Variants in PRDM16 observed in about 807,000 individuals in gnomAD.
PRDM16 encodes histone-lysine N-methyltransferase PRDM16.
PRDM16 carries 23 observed loss-of-function variants against 110.6 expected under a neutral mutation model. That is an observed-to-expected ratio of 0.21 (90% CI 0.15 to 0.29). The LOEUF (loss-of-function observed/expected upper bound fraction) is 0.29, where lower values mean the gene tolerates loss of function less well. Ranked by LOEUF, PRDM16 falls within the 10% of genes least tolerant of loss-of-function variation. PRDM16 has a pLI of 1.00. For synonymous variants in PRDM16, 799 were observed against 781.8 expected (o/e 1.02, Z -0.37); for missense variants, 1,615 against 1,794.3 (o/e 0.90, Z 1.81).
chr1:3,435,308 G>A lies in PRDM16; in HGVS notation c.*1497G>A, dbSNP rs1489996000. 1 of 226,448 alleles carries A rather than the reference G, an allele frequency of 4.4e-6. No individual in the cohort carries two copies. The highest frequency in any genetic ancestry group is 2.2e-5 in the African/African-American group (1 of 44,798). 14.0% of individuals were successfully genotyped at this position (226,448 alleles called of 1,614,324 possible). ...TTTTGGCATTAGACATTCTTATTGT[G>A]AAGAAATAATGTTAATATAAGTATC... is the stretch of plus-strand genomic sequence containing the variant. On this transcript the variant is annotated 3_prime_UTR_variant, in exon 17 of 17. Transcript: ENST00000270722.
chr1:3,112,273 C>G (rs753732423), intron 1 of PRDM16, among the ~76,000 whole-genome samples: 1 of 152,198 alleles, frequency 6.6e-6, no homozygotes, highest in Non-Finnish European at 1.5e-5. Context: ...GCAGAGGAAA[C>G]AGAAGGGAGC....
chr1:3,142,476 C>T (rs540675523), intron 1 of PRDM16, among the ~76,000 whole-genome samples: 44 of 152,224 alleles, frequency 2.9e-4, no homozygotes, highest in Admixed American at 1.7e-3. Context: ...TTTGGCATTG[C>T]TCCTTGGTCT....
intron 1 of PRDM16, among the ~76,000 whole-genome samples, chr1:3,173,183 C>T (rs1644045308): frequency 6.6e-6 from 1 of 152,196 alleles, no homozygotes; most frequent in East Asian, 1.9e-4. Context: ...CAATCCGTGG[C>T]TACCTTGCTG....
At position 3,209,637 on chromosome 1, in the gene PRDM16, G is replaced by C. The variant is rs972603331; in HGVS notation, c.387+23163G>C. Among the ~76,000 whole-genome samples the C allele has an allele frequency of 6.6e-6, 1 of 152,168 alleles. No individual in the cohort carries two copies. The highest frequency in any genetic ancestry group is 2.4e-5 in the African/African-American group (1 of 41,436). On this transcript the variant is annotated intron_variant, in intron 2 of 16. Coordinates refer to ENST00000270722, the MANE Select transcript of PRDM16 (RefSeq NM_022114.4). The surrounding 1 kb of genome is among the most constrained non-coding windows in gnomAD (Gnocchi z 4.6). Reference sequence around the variant, plus strand: ...ACCTCACTTCGGGATCCTTTGTCGAGACCAATTGGCCACAAATGCCACCTC... The same window carrying C: ...ACCTCACTTCGGGATCCTTTGTCGACACCAATTGGCCACAAATGCCACCTC...
chr1:3,072,092 G>C (rs1641778118), intron 1 of PRDM16, among the ~76,000 whole-genome samples: 1 of 152,192 alleles, frequency 6.6e-6, no homozygotes, highest in Non-Finnish European at 1.5e-5. Flanking sequence ...CCTGAGCCTG[G>C]GGGCCAGGAA....
At chr1:3,203,814 G>A (rs1051026775) in intron 2 of PRDM16, among the ~76,000 whole-genome samples, 36 of 152,196 alleles carry the variant, frequency 2.4e-4, no homozygotes, top group African/African-American at 8.7e-4. Flanking sequence ...CTCAGGTCCT[G>A]GAGGTGAAGG....
intron 3 of PRDM16, among the ~76,000 whole-genome samples, chr1:3,321,325 CGT>C (rs141202020): frequency 1.3e-5 from 2 of 150,546 alleles, no homozygotes; most frequent in African/African-American, 4.9e-5. Flanking sequence ...TGTGTGGGTC[CGT>C]GTGTGTGTGT....
At chr1:3,289,445 A>C (rs1640925274) in intron 3 of PRDM16, among the ~76,000 whole-genome samples, 1 of 152,216 alleles carries the variant, frequency 6.6e-6, no homozygotes, top group African/African-American at 2.4e-5. Flanking sequence ...TCCCACCTGC[A>C]GCTTCCCCAC....
intron 3 of PRDM16, among the ~76,000 whole-genome samples, chr1:3,284,783 G>C (rs1017575866): frequency 6.6e-6 from 1 of 152,222 alleles, no homozygotes; most frequent in African/African-American, 2.4e-5. Flanking sequence ...CTGTGAGCCT[G>C]GGGTGGCCAA....
At chr1:3,431,205 C>G (rs1638758570) in intron 15 of PRDM16, 97 bp downstream of exon 15, 1 of 1,479,164 alleles carries the variant, frequency 6.8e-7, no homozygotes, top group Admixed American at 2.1e-5. Context: ...GAGCCCATCC[C>G]TGGCTCAGCC....
intron 4 of PRDM16, among the ~76,000 whole-genome samples, chr1:3,387,714 G>T (rs1009878741): frequency 1.3e-5 from 2 of 152,350 alleles, no homozygotes; most frequent in African/African-American, 2.4e-5. Context: ...GGGGAGTGAG[G>T]TGGCTGAGTT....
At chr1:3,324,806 G>A (rs763997053) in intron 3 of PRDM16, among the ~76,000 whole-genome samples, 8 of 151,582 alleles carry the variant, frequency 5.3e-5, no homozygotes, top group Non-Finnish European at 1.2e-4. Context: ...CGAGTGAGCA[G>A]ATCAGCTGTG....
rs1643686130 is a variant in PRDM16, at chr1:3,411,561, G to A, written c.1364G>A (p.Gly455Asp). ...CEGKNHYTPG[G>D]IFAPGLPLTP... Reference sequence around the variant, plus strand: ...GGCAAGAACCATTACACGCCGGGCGGCATCTTTGCCCCGGGCCTGCCCTTG... The same window carrying A: ...GGCAAGAACCATTACACGCCGGGCGACATCTTTGCCCCGGGCCTGCCCTTG... The change falls in exon 9 of 17, where the codon GGC becomes GAC. Residue 455 changes from glycine (G) to aspartate (D), a missense_variant. By Grantham distance (94) the Gly-to-Asp change is moderately conservative (BLOSUM62 -1). Transcript: ENST00000270722. 1.2e-6 allele frequency: 2 copies of A among 1,614,092 alleles called. No homozygotes were observed. Among genetic ancestry groups the A allele is most frequent in the Non-Finnish European group, 1.7e-6 (2 of 1,180,034 alleles).
At chr1:3,365,628 C>T (rs534381838) in intron 3 of PRDM16, among the ~76,000 whole-genome samples, 15 of 152,330 alleles carry the variant, frequency 9.8e-5, no homozygotes, top group Non-Finnish European at 1.6e-4. Flanking sequence ...AGGCAGCCAG[C>T]GGCCCTGAAT....
intron 1 of PRDM16, among the ~76,000 whole-genome samples, chr1:3,146,724 C>T (rs567735152): frequency 1.9e-4 from 19 of 99,916 alleles, no homozygotes; most frequent in African/African-American, 6.9e-4. Context: ...CATGTGTGCT[C>T]GGTGTGGGTT....
Position 3,143,342 on chromosome 1 carries a change from G to A in PRDM16, c.38-42783G>A, listed in dbSNP as rs952076553. The stretch of plus-strand genomic sequence containing the variant: ...CTCGGGACAGCAGGACCCTCAGGCA[G>A]TAGGGCTCCAAGCACCAGCCCCTCG... On this transcript the variant is annotated intron_variant, in intron 1 of 16. Coordinates refer to ENST00000270722, the MANE Select transcript of PRDM16 (RefSeq NM_022114.4). This position sits in a 1 kb window ranked among gnomAD's most constrained non-coding sequence, Gnocchi z 4.5. 3.3e-5 allele frequency among the ~76,000 whole-genome samples: 5 copies of A among 152,186 alleles called. No homozygotes were observed. The highest frequency in any genetic ancestry group is 1.2e-4 in the African/African-American group (5 of 41,446).
At chr1:3,181,441 GT>G (rs1416065591) in intron 1 of PRDM16, among the ~76,000 whole-genome samples, 2 of 27,588 alleles carry the variant, frequency 7.2e-5, no homozygotes, top group African/African-American at 1.7e-4. Flanking sequence ...TACACAAGCA[GT>G]CTTACACGGT....
rs572783262 is a variant in PRDM16, at chr1:3,263,779, G to A, written c.438+19642G>A. Among the ~76,000 whole-genome samples the A allele has an allele frequency of 3.9e-4, 60 of 152,350 alleles. No individual in the cohort carries two copies. In the South Asian group the frequency reaches 0.012, roughly 29 times the overall value. ...AGGTGTCTCATCTAATAGTTGGAAC[G>A]TGAAGCCAGGAGAAGCCTTTGCCAC... On this transcript the variant is annotated intron_variant, in intron 3 of 16. Coordinates refer to ENST00000270722, the MANE Select transcript of PRDM16 (RefSeq NM_022114.4).
intron 3 of PRDM16, among the ~76,000 whole-genome samples, chr1:3,287,840 C>G (rs1360560833): frequency 6.6e-6 from 1 of 150,608 alleles, no homozygotes; most frequent in African/African-American, 2.4e-5. Flanking sequence ...GGGACTGCAG[C>G]CGCCCCGCCA....
Sources: allele counts gnomAD v4.1 joint callset (sites outside exome capture counted in the v4.1 genomes callset), GRCh38; gene constraint gnomAD v4.1.1; non-coding constraint Gnocchi (gnomAD v3.1); transcripts MANE v1.5; gene names NCBI Gene and HGNC (gene_info 2026-07-23, HGNC 2026-07-21).